RASGEF1C: variants seen among roughly 807,000 people sequenced by gnomAD.
RASGEF1C encodes the protein ras-GEF domain-containing family member 1C.
In RASGEF1C, 27 loss-of-function variants were observed where a neutral mutation model predicts 58.1. The ratio of observed to expected loss-of-function variants is 0.46; its 90% CI spans 0.34 to 0.64. The LOEUF (loss-of-function observed/expected upper bound fraction) is 0.64. Ranked by LOEUF, RASGEF1C falls within the 30% of genes least tolerant of loss-of-function variation. The pLI, the probability that RASGEF1C is intolerant of heterozygous loss-of-function variation, is 0.01. For synonymous variants in RASGEF1C, 243 were observed against 246.3 expected, an observed-to-expected ratio of 0.99 and a Z score of 0.13; for missense variants, 502 against 605.1, an observed-to-expected ratio of 0.83 and a Z score of 1.79.
chr5:180,143,016 C>A lies in RASGEF1C; in HGVS notation c.-6-4958G>T, dbSNP rs1766605905. ...CGGTTTCCCTCTCCATGGCTCCTGT[C>A]CCACTGCCTGGCCCCCAGCCCCTCA... On this transcript the variant is annotated intron_variant, in intron 1 of 13. Transcript: ENST00000361132. The surrounding 1 kb of genome is among the most constrained non-coding windows in gnomAD (Gnocchi z 4.3). Among the ~76,000 whole-genome samples, 1 of 152,146 alleles carries A rather than the reference C, an allele frequency of 6.6e-6. No homozygotes were observed. The highest frequency in any genetic ancestry group is 2.4e-5 in the African/African-American group (1 of 41,442).
At chr5:180,152,798 C>G (rs576571983) in intron 1 of RASGEF1C, among the ~76,000 whole-genome samples, 14 of 151,424 alleles carry the variant, frequency 9.2e-5, no homozygotes, top group African/African-American at 3.4e-4. Flanking sequence ...GTAATCCCAG[C>G]TACTCAGGAG....
At chr5:180,159,306 AT>A (rs1766901275) in intron 1 of RASGEF1C, among the ~76,000 whole-genome samples, 3 of 151,692 alleles carry the variant, frequency 2.0e-5, no homozygotes, top group African/African-American at 7.3e-5. Flanking sequence ...CGCCCGGCTA[AT>A]TTTTTGTATT....
At chr5:180,117,463 G>A (rs1766087831) in intron 10 of RASGEF1C, among the ~76,000 whole-genome samples, 1 of 152,220 alleles carries the variant, frequency 6.6e-6, no homozygotes, top group Admixed American at 6.5e-5. Flanking sequence ...GCAGGGACCT[G>A]ATCCCACCAA....
intron 1 of RASGEF1C, among the ~76,000 whole-genome samples, chr5:180,192,375 C>G (rs1057486514): frequency 6.6e-6 from 1 of 152,270 alleles, no homozygotes; most frequent in East Asian, 1.9e-4. Context: ...ATGAGCTCAG[C>G]GTCCTCACTG....
At chr5:180,196,337 C>T (rs1244765377) in intron 1 of RASGEF1C, among the ~76,000 whole-genome samples, 2 of 151,634 alleles carry the variant, frequency 1.3e-5, no homozygotes, top group Non-Finnish European at 2.9e-5. Flanking sequence ...CCATCTCTAC[C>T]AAAAATATAA....
At chr5:180,163,475 C>T (rs1272185429) in intron 1 of RASGEF1C, among the ~76,000 whole-genome samples, 12 of 151,860 alleles carry the variant, frequency 7.9e-5, no homozygotes, top group Admixed American at 6.6e-5. Context: ...TTAAATTTCC[C>T]TTGAGACTTC....
intron 6 of RASGEF1C, among the ~76,000 whole-genome samples, chr5:180,123,060 C>G (rs77175601): frequency 1.3e-5 from 2 of 152,000 alleles, no homozygotes; most frequent in African/African-American, 2.4e-5. Context: ...ATAAATATTA[C>G]GTAACTATAT....
rs756818248 is a variant in RASGEF1C, at chr5:180,102,161, T to G, written c.1304-18A>C. ...ATAAAGACCTAGACAGAAAATGAAG[T>G]GAAATTTCACAATTATGGTTGATGA... On this transcript the variant is annotated intron_variant, in intron 12 of 13. Coordinates refer to ENST00000361132, the MANE Select transcript of RASGEF1C (RefSeq NM_175062.4). The G allele has an allele frequency of 6.9e-6, 10 of 1,449,340 alleles. No homozygotes were observed. The South Asian group carries it at 1.1e-4, about 17-fold the overall frequency. The allele number at this position is 1,449,340 out of a possible 1,614,324, so 89.8% of individuals were successfully genotyped here.
At chr5:180,136,683 G>A (rs930900407) in intron 3 of RASGEF1C, 168 bp from the exon 4 acceptor site, 4 of 670,960 alleles carry the variant, frequency 6.0e-6, no homozygotes, top group Admixed American at 3.1e-5. Flanking sequence ...CACGGGGAGA[G>A]GAGGGGGGAC....
intron 1 of RASGEF1C, among the ~76,000 whole-genome samples, chr5:180,164,908 A>G (rs1766995349): frequency 6.6e-6 from 1 of 152,128 alleles, no homozygotes. Flanking sequence ...TTTGCCTTTC[A>G]GTTCTGTCCG....
intron 1 of RASGEF1C, among the ~76,000 whole-genome samples, chr5:180,159,180 C>T (rs1766898167): frequency 6.7e-6 from 1 of 150,174 alleles, no homozygotes; most frequent in Admixed American, 6.6e-5. Flanking sequence ...CACTCTGTTG[C>T]CCAGGCTGGA....
chr5:180,182,365 T>G (rs1047595088), intron 1 of RASGEF1C, among the ~76,000 whole-genome samples: 1 of 152,082 alleles, frequency 6.6e-6, no homozygotes, highest in Non-Finnish European at 1.5e-5. Flanking sequence ...CGGTGAGTGT[T>G]ACAGCTCTTA....
At chr5:180,136,314 G>A in intron 4 of RASGEF1C, 64 bp downstream of exon 4, 1 of 1,491,528 alleles carries the variant, frequency 6.7e-7, no homozygotes. Context: ...GTGCGGGCCG[G>A]GAACAGGCGC....
rs1767241521 is a variant in RASGEF1C, at chr5:180,177,052, C to T, written c.-7+31976G>A. Among the ~76,000 whole-genome samples the T allele has an allele frequency of 6.6e-6, 1 of 152,136 alleles. No individual in the cohort carries two copies. Among genetic ancestry groups the T allele is most frequent in the Admixed American group, 6.5e-5 (1 of 15,276 alleles). ...TTGGTCAACCTCCCAGAGGAGAGGG[C>T]TGCAGACGAGGGGTTTCCAAGGGAC... On this transcript the variant is annotated intron_variant, in intron 1 of 13. Coordinates refer to ENST00000361132, the MANE Select transcript of RASGEF1C (RefSeq NM_175062.4). The surrounding 1 kb of genome is among the most constrained non-coding windows in gnomAD (Gnocchi z 5.0).
At chr5:180,122,404 C>T (rs1051304375) in intron 6 of RASGEF1C, among the ~76,000 whole-genome samples, 4 of 152,088 alleles carry the variant, frequency 2.6e-5, no homozygotes, top group Admixed American at 2.6e-4. Context: ...TATAATATAC[C>T]ACCATTTAAA....
chr5:180,174,416 GCGTGCATGTGCACACGTGTGTGTC>G (rs1767175386), intron 1 of RASGEF1C, among the ~76,000 whole-genome samples: 7 of 150,618 alleles, frequency 4.6e-5, no homozygotes, highest in Admixed American at 6.6e-5. Flanking sequence ...GTGTGTGCGT[GCGTGCATGTGCACACGTGTGTGTC>G]TGTGCATGTG....
chr5:180,179,483 G>A (rs780467220), intron 1 of RASGEF1C, among the ~76,000 whole-genome samples: 2 of 152,148 alleles, frequency 1.3e-5, no homozygotes. Context: ...CAGGACAGGG[G>A]CGTGAAGGCA....
At chr5:180,125,657 C>A (rs922991735) in intron 6 of RASGEF1C, among the ~76,000 whole-genome samples, 1 of 152,110 alleles carries the variant, frequency 6.6e-6, no homozygotes, top group Non-Finnish European at 1.5e-5. Flanking sequence ...TGGCGCATGC[C>A]TGTAATCCCA....
At chr5:180,190,203 A>T (rs949212919) in intron 1 of RASGEF1C, among the ~76,000 whole-genome samples, 2 of 151,510 alleles carry the variant, frequency 1.3e-5, no homozygotes, top group Non-Finnish European at 2.9e-5. Context: ...AAAAATAATA[A>T]TAGGCCGGGC....
Sources: allele counts gnomAD v4.1 joint callset (sites outside exome capture counted in the v4.1 genomes callset), GRCh38; gene constraint gnomAD v4.1.1; non-coding constraint Gnocchi (gnomAD v3.1); transcripts MANE v1.5; gene names NCBI Gene and HGNC (gene_info 2026-07-23, HGNC 2026-07-21).